Variants in ERICH1 observed in about 807,000 individuals in gnomAD.
ERICH1 encodes the protein glutamate-rich protein 1.
ERICH1 carries 56 observed loss-of-function variants against 39.6 expected under a neutral mutation model. The observed-to-expected ratio is 1.41, with a 90% confidence interval of 1.14 to 1.77. The LOEUF (loss-of-function observed/expected upper bound fraction) is 1.77. Among genes scored for constraint, ERICH1 ranks in the 40% most tolerant of loss-of-function variants. The probability of loss-of-function intolerance (pLI) is 0.00; values close to 1 mark genes in which losing one functional copy is unlikely to be tolerated. For missense variants in ERICH1, 826 were observed against 575.4 expected (o/e 1.44, Z -4.45); for synonymous variants, 313 against 223.6 (o/e 1.40, Z -3.57).
rs1585358204 is a variant in ERICH1 at position 692,568 on chromosome 8, T to G, written c.214A>C (p.Ser72Arg). ...TPTARRLYTA[S>R]GPPEGYVPCW... ...GGGACGTAGCCCTCAGGAGGCCCGC[T>G]GGCAGTGTAGAGCCGTCGGGCAGTC... Residue 72 changes from serine (S) to arginine (R), a missense_variant, in exon 3 of 6, where the codon AGC (serine) becomes CGC (arginine). Physicochemically the swap from Ser to Arg is moderately radical, Grantham distance 110. Coordinates refer to ENST00000262109, the MANE Select transcript of ERICH1 (RefSeq NM_207332.3). 6.2e-7 allele frequency: 1 copy of G among 1,613,202 alleles called. No individual in the cohort carries two copies. The highest frequency in any genetic ancestry group is 2.2e-5 in the East Asian group (1 of 44,754).
intron 3 of ERICH1, among the ~76,000 whole-genome samples, chr8:675,195 GAC>G (rs1198683444): frequency 2.5e-5 from 1 of 39,572 alleles, no homozygotes; most frequent in African/African-American, 1.1e-4. Context: ...TGAGGACAGA[GAC>G]GCGGCGCCCC....
rs540050144 is a variant in ERICH1 at position 633,185 on chromosome 8, C to T, written c.977-17901G>A. On this transcript the variant is annotated intron_variant, in intron 3 of 3. Transcript: ENST00000522706. ...CCCGCGTGGGGCCGCCCAGGACAGACGGAGGCTGTGCACACCCTATGGCCT... is the reference window on the plus strand; with the variant it reads ...CCCGCGTGGGGCCGCCCAGGACAGATGGAGGCTGTGCACACCCTATGGCCT... Among the ~76,000 whole-genome samples the T allele has an allele frequency of 1.5e-3, 234 of 151,864 alleles. 1 individual carries two copies. Among genetic ancestry groups the T allele is most frequent in the Non-Finnish European group, 2.9e-3 (196 of 67,888 alleles).
intron 3 of ERICH1, among the ~76,000 whole-genome samples, chr8:629,709 CAG>C (rs1563166965): frequency 2.8e-5 from 4 of 141,216 alleles, no homozygotes; most frequent in African/African-American, 1.1e-4. Flanking sequence ...ACCACCCACA[CAG>C]ACAGAGCTGA....
intron 3 of ERICH1, chr8:615,316 G>C (rs980000599): frequency 1.8e-5 from 12 of 651,126 alleles, no homozygotes; most frequent in Non-Finnish European, 2.7e-5. Flanking sequence ...GATCAGTTGT[G>C]TTCATCATTT....
intron 2 of ERICH1, among the ~76,000 whole-genome samples, chr8:710,984 T>C (rs1427620567): frequency 6.6e-6 from 1 of 152,248 alleles, no homozygotes; most frequent in Non-Finnish European, 1.5e-5. Context: ...TGCATTCCCA[T>C]CTGCAGTGAT....
intron 1 of ERICH1, 133 bp downstream of exon 1, chr8:731,007 G>A (rs1339120001): frequency 1.9e-6 from 2 of 1,071,430 alleles, no homozygotes; most frequent in Non-Finnish European, 2.5e-6. Context: ...GACTGGGGTG[G>A]AGGTGGGGAG....
At chr8:656,902 T>C (rs1800733670) in intron 3 of ERICH1, 2 of 938,272 alleles carry the variant, frequency 2.1e-6, no homozygotes, top group African/African-American at 3.5e-5. Context: ...TTAATTCATT[T>C]AAGATAAACA....
chr8:721,436 C>T (rs751585986), intron 1 of ERICH1, among the ~76,000 whole-genome samples: 14 of 152,352 alleles, frequency 9.2e-5, no homozygotes, highest in African/African-American at 3.1e-4. Flanking sequence ...AGAGACCTCA[C>T]GGACACGGCG....
At chr8:675,232 CCCCTCGGCGAGGACAGAGACGCGGCGG>C in intron 3 of ERICH1, among the ~76,000 whole-genome samples, 1 of 10,332 alleles carries the variant, frequency 9.7e-5, no homozygotes, top group Non-Finnish European at 1.8e-4. Context: ...GACGCGGCGG[CCCCTCGGCGAGGACAGAGACGCGGCGG>C]CCCCTCGTGA....
chr8:719,248 G>A (rs532937618), intron 1 of ERICH1, among the ~76,000 whole-genome samples: 1 of 152,310 alleles, frequency 6.6e-6, no homozygotes, highest in South Asian at 2.1e-4. Context: ...TCCAACAGCG[G>A]GCTCCCACAT....
chr8:692,540 C>G lies in ERICH1; in HGVS notation c.242G>C (p.Cys81Ser), dbSNP rs1242647711. The change falls in exon 3 of 6, where the codon TGT becomes TCT. Residue 81 changes from cysteine to serine, a missense_variant. Transcript: ENST00000262109. ...CCCACAGCTGCTGGGCTCCGGCCAA[C>G]AGGGGACGTAGCCCTCAGGAGGCCC... ...ASGPPEGYVP[C>S]WPEPSSCGSP... 3.7e-6 allele frequency: 6 copies of G among 1,613,866 alleles called. No individual in the cohort carries two copies. The highest frequency in any genetic ancestry group is 5.1e-6 in the Non-Finnish European group (6 of 1,179,972).
At chr8:621,918 T>C (rs1041395735) in intron 3 of ERICH1, among the ~76,000 whole-genome samples, 2 of 152,230 alleles carry the variant, frequency 1.3e-5, no homozygotes, top group Admixed American at 1.3e-4. Flanking sequence ...TTAAATAATG[T>C]TAAAACTTCC....
chr8:643,236 G>T (rs937686402), intron 3 of ERICH1, among the ~76,000 whole-genome samples: 5 of 152,358 alleles, frequency 3.3e-5, no homozygotes, highest in African/African-American at 1.2e-4. Context: ...TCTGGCATGA[G>T]ACGATGACCT....
At chr8:627,461 C>T (rs779064298) in intron 3 of ERICH1, among the ~76,000 whole-genome samples, 4 of 152,208 alleles carry the variant, frequency 2.6e-5, no homozygotes, top group Non-Finnish European at 4.4e-5. Context: ...TATGTTATAT[C>T]GTTAACTCCC....
chr8:708,681 GTTTTTTTTTT>G (rs139731216), intron 2 of ERICH1, among the ~76,000 whole-genome samples: 15,641 of 65,134 alleles, frequency 0.24, 1,557 homozygotes, highest in East Asian at 0.58. Flanking sequence ...GGGATAATGA[GTTTTTTTTTT>G]TTTTTTTTTT....
At chr8:716,034 A>G (rs368920555) in intron 1 of ERICH1, 27 bp from the exon 2 acceptor site, 1 of 1,571,034 alleles carries the variant, frequency 6.4e-7, no homozygotes, top group Non-Finnish European at 8.6e-7. Context: ...TTAAAAGAAA[A>G]GGAGGAAAAG....
chr8:722,054 C>T (rs983353702), intron 1 of ERICH1, among the ~76,000 whole-genome samples: 6 of 152,112 alleles, frequency 3.9e-5, no homozygotes, highest in African/African-American at 1.4e-4. Context: ...CTTGCAGTCA[C>T]GACGACTCCG....
chr8:730,098 G>T (rs185912231), intron 1 of ERICH1, among the ~76,000 whole-genome samples: 2 of 152,210 alleles, frequency 1.3e-5, no homozygotes, highest in African/African-American at 4.8e-5. Flanking sequence ...CATGAACAAG[G>T]TATTTCTGGT....
At chr8:692,419 T>C (rs890174970) in intron 3 of ERICH1, 59 bp downstream of exon 3, 54 of 1,609,578 alleles carry the variant, frequency 3.4e-5, no homozygotes, top group Non-Finnish European at 4.1e-5. Context: ...TACCAGAAAA[T>C]TGGGAAATAC....
Sources: gnomAD v4.1 joint callset for allele counts (sites outside exome capture counted in the v4.1 genomes callset) on GRCh38, gnomAD v4.1.1 for gene constraint, MANE v1.5 for transcripts, NCBI Gene and HGNC (gene_info 2026-07-23, HGNC 2026-07-21) for gene names.